OPCML: variants seen among roughly 807,000 people sequenced by gnomAD.
OPCML encodes opioid binding protein/cell adhesion molecule like, also known as opioid-binding protein/cell adhesion molecule.
In OPCML, 13 loss-of-function variants were observed where a neutral mutation model predicts 37.8. The observed-to-expected ratio is 0.34, with a 90% CI of 0.22 to 0.55. The LOEUF (loss-of-function observed/expected upper bound fraction) is 0.55, where lower values mean the gene tolerates loss of function less well. Among genes scored for constraint, OPCML ranks in the 20% least tolerant of loss-of-function variants. The pLI, the probability that OPCML is intolerant of heterozygous loss-of-function variation, is 0.91. For missense variants in OPCML, 341 were observed against 435.6 expected (o/e 0.78, Z 1.93); for synonymous variants, 176 against 168.8 (o/e 1.04, Z -0.33).
chr11:133,198,438 C>T (rs1252057016), intron 1 of OPCML, among the ~76,000 whole-genome samples: 1 of 152,258 alleles, frequency 6.6e-6, no homozygotes, highest in Non-Finnish European at 1.5e-5. Flanking sequence ...CTCTGCTCTG[C>T]TCTAGGGAGC....
At position 133,208,249 on chromosome 11, in the gene OPCML, T is replaced by C. The variant is rs73598424; in HGVS notation, c.62-265239A>G. Among the ~76,000 whole-genome samples the C allele has an allele frequency of 6.5e-3, 987 of 152,336 alleles. 12 individuals carry two copies. Among genetic ancestry groups the C allele is most frequent in the African/African-American group, 0.02 (824 of 41,578 alleles). On this transcript the variant is annotated intron_variant, in intron 1 of 7. Transcript: ENST00000524381. The surrounding 1 kb of genome is among the most constrained non-coding windows in gnomAD (Gnocchi z 8.9). The stretch of plus-strand genomic sequence containing the variant: ...GCTTAGCACATTGTATTACATTGCA[T>C]TGCACTGTATTGTTGTATTACCACG...
chr11:132,450,826 G>A lies in OPCML; in HGVS notation c.506-13467C>T, dbSNP rs537742140. ...CTTTCTGTGTCCATTTGGATAAATTGCGTAACCACCCTAGGCTTCTTGTTC... is the reference window on the plus strand; with the variant it reads ...CTTTCTGTGTCCATTTGGATAAATTACGTAACCACCCTAGGCTTCTTGTTC... On this transcript the variant is annotated intron_variant, in intron 4 of 7. Transcript: ENST00000524381. 3.3e-5 allele frequency among the ~76,000 whole-genome samples: 5 copies of A among 152,280 alleles called. No individual in the cohort carries two copies. The East Asian group carries it at 7.7e-4, about 24-fold the overall frequency.
intron 1 of OPCML, among the ~76,000 whole-genome samples, chr11:133,384,649 C>G (rs1476323051): frequency 6.6e-6 from 1 of 152,238 alleles, no homozygotes; most frequent in African/African-American, 2.4e-5. Context: ...CCTTCTGTGC[C>G]TCATTCTAAA....
intron 1 of OPCML, among the ~76,000 whole-genome samples, chr11:132,945,934 C>G (rs745518588): frequency 6.6e-6 from 1 of 152,220 alleles, no homozygotes; most frequent in African/African-American, 2.4e-5. Flanking sequence ...AGGCGCCCAC[C>G]ACCATGCCCA....
intron 1 of OPCML, among the ~76,000 whole-genome samples, chr11:133,408,226 A>G (rs1945564903): frequency 6.6e-6 from 1 of 152,266 alleles, no homozygotes; most frequent in South Asian, 2.1e-4. Context: ...GCGTGTGAGC[A>G]TATACATTTA....
chr11:132,500,029 G>T (rs60210951), intron 4 of OPCML, among the ~76,000 whole-genome samples: 1,753 of 152,290 alleles, frequency 0.012, 39 homozygotes, highest in African/African-American at 0.04. Flanking sequence ...TGCAGATCTG[G>T]AGTGGCTTAA....
intron 2 of OPCML, among the ~76,000 whole-genome samples, chr11:132,738,934 CAT>C (rs1413956111): frequency 1.3e-5 from 2 of 151,970 alleles, no homozygotes; most frequent in Admixed American, 6.6e-5. Context: ...TGCCACGTGG[CAT>C]AGAGATGATT....
intron 1 of OPCML, among the ~76,000 whole-genome samples, chr11:133,193,214 G>A (rs1252729838): frequency 1.3e-5 from 2 of 152,060 alleles, no homozygotes; most frequent in South Asian, 2.1e-4. Flanking sequence ...TACATTCCTG[G>A]TTACAATCCC....
At chr11:132,888,050 TTGGATGAGAGTG>T (rs1943491918) in intron 2 of OPCML, among the ~76,000 whole-genome samples, 1 of 152,024 alleles carries the variant, frequency 6.6e-6, no homozygotes, top group Non-Finnish European at 1.5e-5. Context: ...CATGCGGCCT[TTGGATGAGAGTG>T]TGGAAGAGAA....
At chr11:133,247,724 C>T (rs1940990921) in intron 1 of OPCML, among the ~76,000 whole-genome samples, 2 of 151,926 alleles carry the variant, frequency 1.3e-5, no homozygotes, top group Non-Finnish European at 2.9e-5. Flanking sequence ...ATGCCTCAGC[C>T]TCCAAGTAGC....
intron 4 of OPCML, among the ~76,000 whole-genome samples, chr11:132,524,510 G>T (rs2096302890): frequency 6.6e-6 from 1 of 152,138 alleles, no homozygotes; most frequent in Non-Finnish European, 1.5e-5. Flanking sequence ...ATTAAGTATA[G>T]ATTTTTGTAT....
intron 2 of OPCML, among the ~76,000 whole-genome samples, chr11:132,697,287 G>A (rs529964210): frequency 6.6e-6 from 1 of 151,996 alleles, no homozygotes; most frequent in Non-Finnish European, 1.5e-5. Context: ...TCTGGATATG[G>A]GAAGAGCATT....
intron 2 of OPCML, among the ~76,000 whole-genome samples, chr11:132,703,877 G>A (rs1414343368): frequency 6.6e-6 from 1 of 152,168 alleles, no homozygotes; most frequent in Non-Finnish European, 1.5e-5. Flanking sequence ...GCTGAGGCAG[G>A]CCTGGCATCT....
chr11:133,236,111 T>C (rs1705965355), intron 1 of OPCML, among the ~76,000 whole-genome samples: 1 of 152,192 alleles, frequency 6.6e-6, no homozygotes, highest in African/African-American at 2.4e-5. Context: ...AGAACAATGA[T>C]GACCATATGA....
chr11:133,024,659 G>A (rs1947515571), intron 1 of OPCML: 4 of 874,846 alleles, frequency 4.6e-6, no homozygotes, highest in Non-Finnish European at 5.5e-6. Context: ...AATTTTGACA[G>A]TGGTGAAGAT....
chr11:133,480,490 G>A (rs1460486564), intron 1 of OPCML, among the ~76,000 whole-genome samples: 2 of 152,132 alleles, frequency 1.3e-5, no homozygotes, highest in African/African-American at 4.8e-5. Flanking sequence ...TGCTCGCCAC[G>A]TGACTTAAGA....
chr11:133,346,230 G>T (rs1411406818), intron 1 of OPCML, among the ~76,000 whole-genome samples: 1 of 152,136 alleles, frequency 6.6e-6, no homozygotes, highest in African/African-American at 2.4e-5. Context: ...TGGGCAAGAG[G>T]TCGGAGTCCC....
intron 1 of OPCML, among the ~76,000 whole-genome samples, chr11:133,089,800 G>T (rs564010407): frequency 6.6e-6 from 1 of 152,082 alleles, no homozygotes; most frequent in East Asian, 1.9e-4. Flanking sequence ...GTTTGATAGA[G>T]ACATTGGGGA....
intron 1 of OPCML, among the ~76,000 whole-genome samples, chr11:133,113,320 A>C (rs1949285445): frequency 6.6e-6 from 1 of 152,188 alleles, no homozygotes; most frequent in Non-Finnish European, 1.5e-5. Flanking sequence ...AGTACAATTC[A>C]TTAAAAGACT....
Sources: allele counts gnomAD v4.1 joint callset (sites outside exome capture counted in the v4.1 genomes callset), GRCh38; gene constraint gnomAD v4.1.1; non-coding constraint Gnocchi (gnomAD v3.1); transcripts MANE v1.5; gene names NCBI Gene and HGNC (gene_info 2026-07-23, HGNC 2026-07-21).